Variants in COL5A2 observed in about 807,000 individuals in gnomAD.
COL5A2 encodes the protein collagen alpha-2(V) chain.
A neutral mutation model predicts 208.2 loss-of-function variants in COL5A2; 23 were observed. That is an observed-to-expected ratio of 0.11 (90% CI 0.08 to 0.16). COL5A2 has a LOEUF of 0.16. Among genes scored for constraint, COL5A2 ranks in the 10% least tolerant of loss-of-function variants. The probability of loss-of-function intolerance (pLI) is 1.00; values close to 1 mark genes in which losing one functional copy is unlikely to be tolerated. For missense variants in COL5A2, 1,590 were observed against 1,956.4 expected (o/e 0.81, Z 3.53); for synonymous variants, 625 against 628.5 (o/e 0.99, Z 0.08).
At position 189,064,013 on chromosome 2, in the gene COL5A2, A is replaced by C. The variant is rs774105703; in HGVS notation, c.1737T>G (p.Gly579=). Residue 579 remains glycine (G), a synonymous_variant, in exon 26 of 54, where the codon GGT becomes GGG. Coordinates refer to ENST00000374866, the MANE Select transcript of COL5A2 (RefSeq NM_000393.5). The part of the protein sequence containing the change: ...PGARGLTGNP[G]VQGPEGKLGP... ...CAAGTTTTCCTTCAGGACCTTGAACACCAGGATTTCCTGTCAAACCCTGAA... is the reference window on the plus strand; with the variant it reads ...CAAGTTTTCCTTCAGGACCTTGAACCCCAGGATTTCCTGTCAAACCCTGAA... The C allele has an allele frequency of 6.2e-6, 10 of 1,613,412 alleles. No homozygotes were observed. In the South Asian group the frequency reaches 1.1e-4, roughly 18 times the overall value.
At chr2:189,141,485 CAA>C (rs1487038908) in intron 1 of COL5A2, among the ~76,000 whole-genome samples, 1 of 151,970 alleles carries the variant, frequency 6.6e-6, no homozygotes, top group Non-Finnish European at 1.5e-5. Context: ...TTACTGTAAC[CAA>C]AGACTATGCT....
At chr2:189,288,824 C>T in the COL5A2 span, among the ~76,000 whole-genome samples, 1 of 152,024 alleles carries the variant, frequency 6.6e-6, no homozygotes, top group Non-Finnish European at 1.5e-5. Context: ...TGCTAACAAA[C>T]ACATTCCACA....
intron 1 of COL5A2, among the ~76,000 whole-genome samples, chr2:189,173,514 G>A (rs1324496221): frequency 1.3e-5 from 2 of 152,092 alleles, no homozygotes; most frequent in African/African-American, 2.4e-5. Flanking sequence ...AATGCCAAGA[G>A]TAAATAGTCT....
At chr2:189,062,437 G>T (rs1686055184) in intron 29 of COL5A2, among the ~76,000 whole-genome samples, 1 of 151,990 alleles carries the variant, frequency 6.6e-6, no homozygotes, top group South Asian at 2.1e-4. Context: ...ACCTACCCTG[G>T]CCTCCCTAAG....
rs1686518533 is a variant in COL5A2 at position 189,080,876 on chromosome 2, T to C, written c.906+114A>G. On this transcript the variant is annotated intron_variant, in intron 13 of 53. Transcript: ENST00000374866. ...TAACCACAGATGAATACTGCAACCA[T>C]AGACAGTTAAGGACAATTGACAAAT... The C allele has an allele frequency of 2.7e-5, 23 of 861,054 alleles. No individual in the cohort carries two copies. The South Asian group carries it at 2.7e-4, about 10-fold the overall frequency. 53.3% of individuals were successfully genotyped at this position (861,054 alleles called of 1,614,324 possible). A position where few individuals can be genotyped will look rare whatever the true frequency, so the allele number is the denominator to read the frequency against.
intron 52 of COL5A2, among the ~76,000 whole-genome samples, chr2:189,036,319 G>T (rs1357684462): frequency 6.6e-6 from 1 of 151,936 alleles, no homozygotes; most frequent in East Asian, 1.9e-4. Flanking sequence ...TATCACTTCT[G>T]GTACACTCCA....
At position 189,051,481 on chromosome 2, in the gene COL5A2, C is replaced by T. The variant is rs777403380; in HGVS notation, c.2770G>A (p.Gly924Arg). Residue 924 changes from glycine (G) to arginine (R), a missense_variant and splice_region_variant, in exon 42 of 54, where the codon GGA (glycine) becomes AGA (arginine). By Grantham distance (125) the Gly-to-Arg change is moderately radical. Coordinates refer to ENST00000374866, the MANE Select transcript of COL5A2 (RefSeq NM_000393.5). ...AGRVGPPGPA[G>R]APGPAGPLGE... The stretch of plus-strand genomic sequence containing the variant: ...AGGGGTCCCGCAGGTCCTGGAGCTC[C>T]CTAGTATAACAAAGAAAGAAACACC... 6.3e-7 allele frequency: 1 copy of T among 1,599,500 alleles called. No homozygotes were observed. Among genetic ancestry groups the T allele is most frequent in the South Asian group, 1.1e-5 (1 of 89,012 alleles).
the COL5A2 span, among the ~76,000 whole-genome samples, chr2:189,310,934 T>C: frequency 1.3e-5 from 2 of 151,020 alleles, no homozygotes; most frequent in Admixed American, 1.3e-4. Context: ...CTGGGAAGGG[T>C]AGTGGGGAGC....
the COL5A2 span, among the ~76,000 whole-genome samples, chr2:189,378,357 T>G: frequency 6.6e-6 from 1 of 152,226 alleles, no homozygotes; most frequent in East Asian, 1.9e-4. Flanking sequence ...TAGCTTAAAT[T>G]CTGACTTTAA....
chr2:189,340,246 G>C, the COL5A2 span, among the ~76,000 whole-genome samples: 1 of 152,172 alleles, frequency 6.6e-6, no homozygotes, highest in African/African-American at 2.4e-5. Context: ...CTGGAGTAGT[G>C]TGCTACATGC....
the COL5A2 span, among the ~76,000 whole-genome samples, chr2:189,267,080 T>G: frequency 1.3e-5 from 2 of 152,100 alleles, no homozygotes; most frequent in Non-Finnish European, 2.9e-5. Context: ...AAGAATCTTA[T>G]GGTGGTGGGT....
chr2:189,214,962 GA>G (rs1379314920), intron 1 of COL5A2, among the ~76,000 whole-genome samples: 2 of 152,030 alleles, frequency 1.3e-5, no homozygotes, highest in Non-Finnish European at 2.9e-5. Context: ...TAATCCTCAG[GA>G]ACTTCCTGTG....
upstream of COL5A2, among the ~76,000 whole-genome samples, chr2:189,228,959 T>G (rs1424392723): frequency 1.3e-5 from 2 of 151,816 alleles, no homozygotes; most frequent in East Asian, 1.9e-4. Flanking sequence ...AGGATCACAC[T>G]ATGACCAAGC....
At chr2:189,426,797 G>A in the COL5A2 span, among the ~76,000 whole-genome samples, 2 of 152,224 alleles carry the variant, frequency 1.3e-5, no homozygotes, top group South Asian at 4.1e-4. Context: ...TCTGGCAGAA[G>A]AAATTTCTAA....
the COL5A2 span, among the ~76,000 whole-genome samples, chr2:189,325,335 T>TAA: frequency 6.7e-6 from 1 of 149,696 alleles, no homozygotes; most frequent in African/African-American, 2.4e-5. Context: ...TATATATATA[T>TAA]AAATAAAAAA....
chr2:189,246,033 A>C, the COL5A2 span, among the ~76,000 whole-genome samples: 1 of 152,210 alleles, frequency 6.6e-6, no homozygotes, highest in Non-Finnish European at 1.5e-5. Flanking sequence ...AATTTTACTT[A>C]GGCACCATTG....
chr2:189,341,067 G>A, the COL5A2 span, among the ~76,000 whole-genome samples: 145,635 of 152,298 alleles, frequency 0.96, 69,980 homozygotes, highest in East Asian at 1. Context: ...CTTCAATATA[G>A]ATGATCAAGT....
chr2:189,167,460 T>C (rs1277976829), intron 1 of COL5A2, among the ~76,000 whole-genome samples: 1 of 152,108 alleles, frequency 6.6e-6, no homozygotes, highest in Admixed American at 6.5e-5. Context: ...CAAAAATGAT[T>C]CTAAGTACTG....
At chr2:189,041,755 C>G in intron 49 of COL5A2, 62 bp from the exon 50 acceptor site, 6 of 1,049,214 alleles carry the variant, frequency 5.7e-6, no homozygotes, top group Non-Finnish European at 8.9e-6. Context: ...ATGCCTTTCT[C>G]TAATCAAAGA....
Sources: gnomAD v4.1 joint callset for allele counts (sites outside exome capture counted in the v4.1 genomes callset) on GRCh38, gnomAD v4.1.1 for gene constraint, MANE v1.5 for transcripts, NCBI Gene and HGNC (gene_info 2026-07-23, HGNC 2026-07-21) for gene names.